RANBP2: variants seen among roughly 807,000 people sequenced by gnomAD.
RANBP2 encodes E3 SUMO-protein ligase RanBP2.
In RANBP2, 57 loss-of-function variants were observed where a neutral mutation model predicts 303.6. The ratio of observed to expected loss-of-function variants is 0.19; its 90% CI spans 0.15 to 0.23. The LOEUF (loss-of-function observed/expected upper bound fraction) is 0.23. Ranked by LOEUF, RANBP2 falls within the 10% of genes least tolerant of loss-of-function variation. RANBP2 has a pLI of 1.00. For missense variants in RANBP2, 3,138 were observed against 3,780.8 expected, an observed-to-expected ratio of 0.83 and a Z score of 4.46; for synonymous variants, 1,167 against 1,301.5, an observed-to-expected ratio of 0.90 and a Z score of 2.23.
chr2:109,484,401 G>A, the RANBP2 span, among the ~76,000 whole-genome samples: 55 of 152,126 alleles, frequency 3.6e-4, no homozygotes, highest in African/African-American at 1.2e-3. Context: ...CAGGCACCTC[G>A]ACCCTTGGCC....
the RANBP2 span, among the ~76,000 whole-genome samples, chr2:109,381,561 G>A: frequency 2.6e-5 from 4 of 151,954 alleles, no homozygotes; most frequent in African/African-American, 4.8e-5. Flanking sequence ...CCAGTCCCCC[G>A]GGCTTCCATG....
Position 108,772,873 on chromosome 2 carries a change from G to A in RANBP2, c.8119G>A (p.Glu2707Lys). 6.2e-7 allele frequency: 1 copy of A among 1,613,646 alleles called. No individual in the cohort carries two copies. Residue 2707 changes from glutamate (E) to lysine (K), a missense_variant, in exon 23 of 29, where the codon GAG becomes AAG. Physicochemically the swap from Glu to Lys is moderately conservative, Grantham distance 56 (BLOSUM62 1). Transcript: ENST00000283195. ...GTGTTGTACTGATTTTTCAGATAAT[G>A]AGAAAGAATGTATTATTGTTTGGGA... Reference protein sequence around the residue: ...RPLEENTADNEKECIIVWEKK... With the variant: ...RPLEENTADNKKECIIVWEKK...
chr2:109,285,440 G>T, the RANBP2 span, among the ~76,000 whole-genome samples: 3 of 152,236 alleles, frequency 2.0e-5, no homozygotes, highest in African/African-American at 7.2e-5. Context: ...CCAGTGCAGT[G>T]TGCCTGCTGT....
the RANBP2 span, among the ~76,000 whole-genome samples, chr2:109,018,634 T>C: frequency 6.6e-6 from 1 of 152,218 alleles, no homozygotes; most frequent in South Asian, 2.1e-4. Context: ...GCTCTAGCTA[T>C]GCTCCCACGG....
At chr2:109,446,802 G>C in the RANBP2 span, among the ~76,000 whole-genome samples, 334 of 152,258 alleles carry the variant, frequency 2.2e-3, 1 homozygote, top group Non-Finnish European at 3.6e-3. Context: ...GCAAAGTAGT[G>C]CGGCAGGCGA....
chr2:108,870,460 A>G, the RANBP2 span, among the ~76,000 whole-genome samples: 1 of 152,218 alleles, frequency 6.6e-6, no homozygotes, highest in Non-Finnish European at 1.5e-5. Flanking sequence ...TAATAGCTGA[A>G]AACTTATCAA....
At chr2:109,342,099 G>A in the RANBP2 span, among the ~76,000 whole-genome samples, 1 of 152,224 alleles carries the variant, frequency 6.6e-6, no homozygotes. Flanking sequence ...TACAGGTCTG[G>A]AGACTGCAGG....
At chr2:109,558,189 C>CTCATG in the RANBP2 span, among the ~76,000 whole-genome samples, 1 of 152,274 alleles carries the variant, frequency 6.6e-6, no homozygotes, top group Non-Finnish European at 1.5e-5. Flanking sequence ...ATCTCAGATG[C>CTCATG]TCATGTCATC....
At chr2:108,996,091 A>G in the RANBP2 span, among the ~76,000 whole-genome samples, 1 of 152,214 alleles carries the variant, frequency 6.6e-6, no homozygotes, top group Non-Finnish European at 1.5e-5. Flanking sequence ...GGTATCATTC[A>G]TAGTATAAAA....
chr2:108,779,100 C>T (rs2149321508), intron 25 of RANBP2, among the ~76,000 whole-genome samples: 1 of 152,226 alleles, frequency 6.6e-6, no homozygotes, highest in Non-Finnish European at 1.5e-5. Context: ...TCAGGAAGTT[C>T]CCATGCAACC....
the RANBP2 span, among the ~76,000 whole-genome samples, chr2:109,040,176 A>G: frequency 6.6e-6 from 1 of 152,168 alleles, no homozygotes; most frequent in Non-Finnish European, 1.5e-5. Flanking sequence ...CCCCATATGG[A>G]TATTTAATTG....
the RANBP2 span, among the ~76,000 whole-genome samples, chr2:109,413,484 CTCTG>C: frequency 3.3e-5 from 5 of 152,292 alleles, no homozygotes; most frequent in South Asian, 2.1e-4. Flanking sequence ...CCTGCCCTGT[CTCTG>C]TCTGTCTGTC....
At chr2:109,667,198 T>C in the RANBP2 span, 56 of 1,264,532 alleles carry the variant, frequency 4.4e-5, no homozygotes, top group African/African-American at 6.2e-4. Context: ...CAGAAAGCCT[T>C]GCCATTTAAG....
chr2:109,405,679 C>T, the RANBP2 span, among the ~76,000 whole-genome samples: 4 of 152,368 alleles, frequency 2.6e-5, no homozygotes, highest in Admixed American at 2.0e-4. Context: ...ACATGTTCAC[C>T]TCTCCGCAGC....
chr2:109,499,715 C>G, the RANBP2 span, among the ~76,000 whole-genome samples: 1 of 152,198 alleles, frequency 6.6e-6, no homozygotes, highest in Non-Finnish European at 1.5e-5. Context: ...CTTGTTCCTC[C>G]TCCTCTGTGG....
chr2:109,082,825 C>CTTT, the RANBP2 span, among the ~76,000 whole-genome samples: 23,765 of 123,556 alleles, frequency 0.19, 3,055 homozygotes, highest in Non-Finnish European at 0.27. Flanking sequence ...GACCCCATGT[C>CTTT]TTTTTTTTTT....
At chr2:109,091,511 T>C in the RANBP2 span, among the ~76,000 whole-genome samples, 3 of 152,362 alleles carry the variant, frequency 2.0e-5, no homozygotes, top group African/African-American at 7.2e-5. Flanking sequence ...CAGCTCTGCG[T>C]GCATTACTCT....
At chr2:109,249,530 T>G in the RANBP2 span, among the ~76,000 whole-genome samples, 3 of 134,914 alleles carry the variant, frequency 2.2e-5, no homozygotes, top group Non-Finnish European at 4.8e-5. Context: ...TTTCTTTCTT[T>G]CTTTCCTTCC....
At chr2:109,210,120 C>T in the RANBP2 span, among the ~76,000 whole-genome samples, 10 of 152,282 alleles carry the variant, frequency 6.6e-5, 1 homozygote, top group East Asian at 1.7e-3. Context: ...TCGACATAGC[C>T]GCATGCGTCA....
Sources: gnomAD v4.1 joint callset for allele counts (sites outside exome capture counted in the v4.1 genomes callset) on GRCh38, gnomAD v4.1.1 for gene constraint, MANE v1.5 for transcripts, NCBI Gene and HGNC (gene_info 2026-07-23, HGNC 2026-07-21) for gene names.